IL1RAPL2: variants seen among roughly 807,000 people sequenced by gnomAD.
The protein encoded by IL1RAPL2 is interleukin 1 receptor accessory protein like 2, also known as X-linked interleukin-1 receptor accessory protein-like 2.
IL1RAPL2 carries 3 observed loss-of-function variants against 44.1 expected under a neutral mutation model. The ratio of observed to expected loss-of-function variants is 0.07; its 90% confidence interval spans 0.03 to 0.18. The LOEUF is 0.18. Among genes scored for constraint, IL1RAPL2 ranks in the 10% least tolerant of loss-of-function variants. The probability of loss-of-function intolerance (pLI) is 1.00; values close to 1 mark genes in which losing one functional copy is unlikely to be tolerated. For missense variants in IL1RAPL2, 391 were observed against 496.4 expected (o/e 0.79, Z 2.02); for synonymous variants, 181 against 178.8 (o/e 1.01, Z -0.10).
At chrX:105,412,576 G>C (rs770022402) in intron 5 of IL1RAPL2, among the ~76,000 whole-genome samples, 1 of 110,759 alleles carries the variant, frequency 9.0e-6, no homozygotes, top group South Asian at 3.8e-4. Context: ...AAAGAAGGAA[G>C]GATGTGGCGA....
intron 6 of IL1RAPL2, among the ~76,000 whole-genome samples, chrX:105,567,758 G>GA (rs1372113716): frequency 9.0e-6 from 1 of 111,254 alleles, no homozygotes; most frequent in Non-Finnish European, 1.9e-5. Flanking sequence ...TTCTGGCCTG[G>GA]AAAATTTACG....
chrX:105,640,786 ATAGATATAGATAGAGAGAGAGACC>A (rs2037563953), intron 6 of IL1RAPL2, among the ~76,000 whole-genome samples: 3 of 99,570 alleles, frequency 3.0e-5, no homozygotes, highest in Non-Finnish European at 4.0e-5. Flanking sequence ...AGATATAGAT[ATAGATATAGATAGAGAGAGAGACC>A]GAGAGAGAGT....
At chrX:104,975,817 G>A (rs2030322774) in intron 2 of IL1RAPL2, among the ~76,000 whole-genome samples, 1 of 111,682 alleles carries the variant, frequency 9.0e-6, no homozygotes, top group Non-Finnish European at 1.9e-5. Flanking sequence ...TTGGATAAGT[G>A]AGGTGGCTGG....
intron 6 of IL1RAPL2, among the ~76,000 whole-genome samples, chrX:105,639,588 C>G (rs1197261744): frequency 1.8e-5 from 2 of 111,219 alleles, no homozygotes; most frequent in Admixed American, 1.9e-4. Context: ...ATGATGAACC[C>G]TTGTAGAAAA....
intron 5 of IL1RAPL2, among the ~76,000 whole-genome samples, chrX:105,364,001 G>A (rs1259284214): frequency 9.0e-6 from 1 of 111,347 alleles, no homozygotes; most frequent in East Asian, 2.8e-4. Context: ...TTCTATTCAA[G>A]AAATCATTGG....
chrX:105,494,826 T>G (rs1403833808), intron 6 of IL1RAPL2, among the ~76,000 whole-genome samples: 1 of 111,081 alleles, frequency 9.0e-6, no homozygotes, highest in African/African-American at 3.3e-5. Context: ...GGTGAAGTAT[T>G]TTTTAACATT....
At chrX:105,624,175 G>C (rs2037438357) in intron 6 of IL1RAPL2, among the ~76,000 whole-genome samples, 1 of 111,316 alleles carries the variant, frequency 9.0e-6, no homozygotes, top group East Asian at 2.9e-4. Flanking sequence ...ATAGTGAAGG[G>C]GAACCAGAAT....
chrX:104,691,617 T>C (rs1039568017), intron 2 of IL1RAPL2, among the ~76,000 whole-genome samples: 2 of 112,112 alleles, frequency 1.8e-5, no homozygotes, highest in Non-Finnish European at 3.8e-5. Flanking sequence ...TCATGCATTT[T>C]GTTTAGCTTT....
chrX:105,407,339 G>T (rs756137007), intron 5 of IL1RAPL2, among the ~76,000 whole-genome samples: 2 of 110,869 alleles, frequency 1.8e-5, no homozygotes, highest in East Asian at 2.9e-4. Context: ...ACCAGGAATA[G>T]TATCTATTAT....
chrX:104,633,633 G>T (rs1427182169), intron 1 of IL1RAPL2, among the ~76,000 whole-genome samples: 1 of 111,955 alleles, frequency 8.9e-6, no homozygotes, highest in African/African-American at 3.3e-5. Flanking sequence ...TTGCATAGAG[G>T]TGTTTATAGT....
chrX:104,794,616 T>G (rs1408582421), intron 2 of IL1RAPL2, among the ~76,000 whole-genome samples: 1 of 112,062 alleles, frequency 8.9e-6, no homozygotes, highest in Non-Finnish European at 1.9e-5. Context: ...ATAGGTGAAC[T>G]TAGTTGGAGA....
chrX:104,890,660 G>C (rs970923467), intron 2 of IL1RAPL2, among the ~76,000 whole-genome samples: 1 of 111,867 alleles, frequency 8.9e-6, no homozygotes, highest in Non-Finnish European at 1.9e-5. Context: ...TTTTTTTCTT[G>C]TAAATTTGTT....
chrX:105,521,134 C>T (rs1172367279), intron 6 of IL1RAPL2, among the ~76,000 whole-genome samples: 2 of 99,423 alleles, frequency 2.0e-5, no homozygotes, highest in Non-Finnish European at 4.0e-5. Flanking sequence ...TTAGTAGAGA[C>T]GGGGTTTCAC....
rs182177566 is a variant in IL1RAPL2, at chrX:104,723,999, C to G, written c.82+65004C>G. ...CACAACAAACAATAGAATTATATCC[C>G]TAAGAATTAGACATAGCAGAATAGA... is the stretch of plus-strand genomic sequence containing the variant. On this transcript the variant is annotated intron_variant, in intron 2 of 10. Transcript: ENST00000372582. Among the ~76,000 whole-genome samples, 471 of 111,385 alleles carry G rather than the reference C, an allele frequency of 4.2e-3. 3 individuals are homozygous for G. The highest frequency in any genetic ancestry group is 0.014 in the African/African-American group (440 of 30,769).
At chrX:105,004,364 C>G (rs1484096003) in intron 2 of IL1RAPL2, among the ~76,000 whole-genome samples, 2 of 110,546 alleles carry the variant, frequency 1.8e-5, no homozygotes, top group South Asian at 3.8e-4. Context: ...GCTGACATCA[C>G]TAATATGAAA....
At chrX:104,809,347 T>C (rs758559074) in intron 2 of IL1RAPL2, among the ~76,000 whole-genome samples, 191 of 111,549 alleles carry the variant, frequency 1.7e-3, no homozygotes, top group African/African-American at 5.2e-3. Flanking sequence ...CCACCAACAG[T>C]GTAAAAGTGT....
chrX:105,543,356 A>T (rs2036761366), intron 6 of IL1RAPL2, among the ~76,000 whole-genome samples: 1 of 112,652 alleles, frequency 8.9e-6, no homozygotes, highest in Non-Finnish European at 1.9e-5. Flanking sequence ...TTGAAAAAGT[A>T]TTTAAATGAT....
chrX:105,205,111 G>A (rs1556150427), intron 3 of IL1RAPL2, among the ~76,000 whole-genome samples: 1 of 110,492 alleles, frequency 9.1e-6, no homozygotes, highest in African/African-American at 3.3e-5. Flanking sequence ...TTAGGGGAGT[G>A]ACTGACTGAG....
At chrX:105,200,928 C>T (rs1052810269) in intron 3 of IL1RAPL2, among the ~76,000 whole-genome samples, 1 of 111,388 alleles carries the variant, frequency 9.0e-6, no homozygotes, top group East Asian at 2.8e-4. Context: ...CACACACACA[C>T]ACACACACAC....
Sources: gnomAD v4.1 joint callset for allele counts (sites outside exome capture counted in the v4.1 genomes callset) on GRCh38, gnomAD v4.1.1 for gene constraint, MANE v1.5 for transcripts, NCBI Gene and HGNC (gene_info 2026-07-23, HGNC 2026-07-21) for gene names.